Variants in NEK1 observed in about 807,000 individuals in gnomAD.
NEK1 encodes the protein serine/threonine-protein kinase Nek1.
In NEK1, 137 loss-of-function variants were observed where a neutral mutation model predicts 182.1. The observed-to-expected ratio is 0.75, with a 90% CI of 0.65 to 0.87. The LOEUF is 0.87. NEK1 is among the 40% of genes least tolerant of loss of function. NEK1 has a pLI of 0.00. For missense variants in NEK1, 1,391 were observed against 1,494.4 expected (o/e 0.93, Z 1.14); for synonymous variants, 513 against 492.2 (o/e 1.04, Z -0.56).
At position 169,585,469 on chromosome 4, in the gene NEK1, A is replaced by G. The variant is rs766000990; in HGVS notation, c.687T>C (p.Tyr229=). The G allele has an allele frequency of 6.2e-7, 1 of 1,613,504 alleles. No individual in the cohort carries two copies. The highest frequency in any genetic ancestry group is 1.1e-5 in the South Asian group (1 of 91,050). ...ACTGAGACACCAAACTGCGGAGATC[A>G]TAGGAATAATGCAAAGACACAGGTG... The part of the protein sequence containing the change: ...SFPPVSLHYS[Y]DLRSLVSQLF... Residue 229 remains tyrosine, a synonymous_variant, in exon 10 of 36, where the codon TAT becomes TAC. Coordinates refer to ENST00000507142, the MANE Select transcript of NEK1 (RefSeq NM_001199397.3).
At chr4:169,573,572 C>A (rs1251826468) in intron 12 of NEK1, among the ~76,000 whole-genome samples, 1 of 151,990 alleles carries the variant, frequency 6.6e-6, no homozygotes, top group East Asian at 1.9e-4. Context: ...GAGAGCTGAC[C>A]ATTTGGAAAT....
intron 31 of NEK1, among the ~76,000 whole-genome samples, chr4:169,411,930 C>T (rs550942163): frequency 3.5e-4 from 54 of 152,274 alleles, no homozygotes; most frequent in African/African-American, 1.3e-3. Context: ...ACCTGACTAG[C>T]AGGCTCCAGA....
At chr4:169,470,654 A>C (rs949826259) in intron 26 of NEK1, among the ~76,000 whole-genome samples, 1 of 152,088 alleles carries the variant, frequency 6.6e-6, no homozygotes, top group Non-Finnish European at 1.5e-5. Context: ...CCTGAATTTG[A>C]ATGTTGGTCT....
At chr4:169,467,789 A>G (rs1011990382) in intron 26 of NEK1, among the ~76,000 whole-genome samples, 6 of 152,122 alleles carry the variant, frequency 3.9e-5, no homozygotes, top group East Asian at 1.9e-4. Flanking sequence ...AGATTTTTCA[A>G]CTTTACAATG....
At chr4:169,543,856 T>C (rs1383083744) in intron 18 of NEK1, among the ~76,000 whole-genome samples, 1 of 152,250 alleles carries the variant, frequency 6.6e-6, no homozygotes, top group Non-Finnish European at 1.5e-5. Context: ...TTGTTGAAGT[T>C]GCTTATCAGC....
At position 169,532,824 on chromosome 4, in the gene NEK1, C is replaced by T. The variant is rs530082067; in HGVS notation, c.1665+4985G>A. ...AAAATTAGCCGGGCATGATGGCACGCGCCTGTAGTCCCAGCTACTTGGGAG... is the reference window on the plus strand; with the variant it reads ...AAAATTAGCCGGGCATGATGGCACGTGCCTGTAGTCCCAGCTACTTGGGAG... On this transcript the variant is annotated intron_variant, in intron 19 of 35. Transcript: ENST00000507142. Among the ~76,000 whole-genome samples, 16 of 151,332 alleles carry T rather than the reference C, an allele frequency of 1.1e-4. No homozygotes were observed. In the South Asian group the frequency reaches 1.9e-3, roughly 18 times the overall value.
chr4:169,406,672 C>T lies in NEK1; in HGVS notation c.3298G>A (p.Val1100Ile), dbSNP rs775315368. The change falls in exon 32 of 36, where the codon GTT (valine) becomes ATT (isoleucine). Residue 1100 changes from valine (V) to isoleucine (I), a missense_variant. Physicochemically the swap from Val to Ile is conservative, Grantham distance 29. This residue lies in a region of NEK1 where 1,216 missense variants were observed against 1,277.6 expected (regional missense o/e 0.95). Transcript: ENST00000507142. ...TCTATTTCAAGATTGTCTTGACGAA[C>T]ATCTCCTACGGTGGGAACATCCATA... ...TLMDVPTVGDVRQDNLEIDEI... is the reference protein window; with the variant it reads ...TLMDVPTVGDIRQDNLEIDEI... 6.2e-7 allele frequency: 1 copy of T among 1,609,650 alleles called. No homozygotes were observed. The highest frequency in any genetic ancestry group is 8.5e-7 in the Non-Finnish European group (1 of 1,177,390).
intron 23 of NEK1, among the ~76,000 whole-genome samples, chr4:169,493,412 C>T (rs1750498196): frequency 6.6e-6 from 1 of 152,166 alleles, no homozygotes; most frequent in African/African-American, 2.4e-5. Context: ...TCCAAAGGAT[C>T]GTTCTAGCTC....
intron 18 of NEK1, among the ~76,000 whole-genome samples, chr4:169,543,406 A>G (rs1759801178): frequency 6.6e-6 from 1 of 152,126 alleles, no homozygotes; most frequent in African/African-American, 2.4e-5. Context: ...GTATAGTTTG[A>G]AGTCAGGTAG....
intron 35 of NEK1, 110 bp downstream of exon 35, chr4:169,400,115 C>T (rs1453190286): frequency 1.9e-6 from 2 of 1,046,240 alleles, no homozygotes; most frequent in South Asian, 2.8e-5. Flanking sequence ...TTATATAGTT[C>T]CCAAGTAGAT....
intron 27 of NEK1, among the ~76,000 whole-genome samples, chr4:169,458,849 A>AT (rs1743408863): frequency 6.6e-6 from 1 of 151,516 alleles, no homozygotes; most frequent in Non-Finnish European, 1.5e-5. Context: ...AAAAAAGACA[A>AT]TGTCAAGAGA....
intron 31 of NEK1, among the ~76,000 whole-genome samples, chr4:169,422,839 T>C (rs892853042): frequency 6.6e-6 from 1 of 152,140 alleles, no homozygotes; most frequent in Non-Finnish European, 1.5e-5. Flanking sequence ...TAGATGGCAA[T>C]AGGTATTAAG....
intron 27 of NEK1, among the ~76,000 whole-genome samples, chr4:169,455,776 G>A (rs1204879541): frequency 1.3e-5 from 2 of 151,988 alleles, no homozygotes; most frequent in Non-Finnish European, 2.9e-5. Flanking sequence ...CTGCCTAGGG[G>A]TCATCACAGC....
At chr4:169,543,624 A>T (rs888851830) in intron 18 of NEK1, among the ~76,000 whole-genome samples, 3 of 152,282 alleles carry the variant, frequency 2.0e-5, no homozygotes, top group African/African-American at 7.2e-5. Flanking sequence ...ATGAGCATGG[A>T]ATGTTTTTCC....
chr4:169,408,661 T>C (rs961771218), intron 31 of NEK1, among the ~76,000 whole-genome samples: 2 of 152,162 alleles, frequency 1.3e-5, no homozygotes, highest in Non-Finnish European at 2.9e-5. Flanking sequence ...GTCCATTACA[T>C]CACTCTTATG....
chr4:169,584,942 T>C (rs1380488323), intron 10 of NEK1, among the ~76,000 whole-genome samples: 1 of 152,138 alleles, frequency 6.6e-6, no homozygotes, highest in Non-Finnish European at 1.5e-5. Flanking sequence ...TCCCAGCACT[T>C]TGGAAGGCCA....
intron 18 of NEK1, among the ~76,000 whole-genome samples, chr4:169,552,685 A>C (rs928714978): frequency 3.9e-5 from 6 of 152,150 alleles, no homozygotes; most frequent in Non-Finnish European, 7.4e-5. Flanking sequence ...TTGTCTATGT[A>C]GAAAATTCAA....
intron 22 of NEK1, 27 bp from the exon 23 acceptor site, chr4:169,507,159 G>T (rs548794899): frequency 2.5e-5 from 30 of 1,223,586 alleles, no homozygotes; most frequent in South Asian, 2.8e-5. Context: ...TTAACAAAAT[G>T]AGTTACCAGA....
At chr4:169,585,155 C>T (rs549100208) in intron 10 of NEK1, among the ~76,000 whole-genome samples, 194 bp downstream of exon 10, 1 of 152,174 alleles carries the variant, frequency 6.6e-6, no homozygotes, top group African/African-American at 2.4e-5. Context: ...TGCCATTGTA[C>T]TCCAGCCTGC....
Sources: allele counts gnomAD v4.1 joint callset (sites outside exome capture counted in the v4.1 genomes callset), GRCh38; gene constraint gnomAD v4.1.1; regional missense constraint gnomAD v4.1.1; transcripts MANE v1.5; gene names NCBI Gene and HGNC (gene_info 2026-07-23, HGNC 2026-07-21).